Variants in TRIQK observed in about 807,000 individuals in gnomAD.
TRIQK encodes the protein triple QxxK/R motif containing, also known as triple QxxK/R motif-containing protein.
TRIQK carries 10 observed loss-of-function variants against 10.8 expected under a neutral mutation model. That is an observed-to-expected ratio of 0.92 (90% CI 0.57 to 1.57). TRIQK has a LOEUF of 1.57. TRIQK is among the 40% of genes most tolerant of loss of function. The pLI is 0.00. For missense variants in TRIQK, 107 were observed against 97.7 expected, an observed-to-expected ratio of 1.09 and a Z score of -0.40; for synonymous variants, 33 against 33.7, an observed-to-expected ratio of 0.98 and a Z score of 0.07.
intron 1 of TRIQK, among the ~76,000 whole-genome samples, chr8:93,015,927 TA>T (rs1005859878): frequency 1.4e-5 from 2 of 143,120 alleles, no homozygotes; most frequent in African/African-American, 5.7e-5. Flanking sequence ...CATCAGAAAA[TA>T]AAAACACCTT....
chr8:92,946,534 C>T (rs965772781), intron 2 of TRIQK, among the ~76,000 whole-genome samples: 4 of 151,986 alleles, frequency 2.6e-5, no homozygotes. Context: ...TACTCTGAAC[C>T]CCTGTCTTTA....
intron 3 of TRIQK, among the ~76,000 whole-genome samples, chr8:92,896,418 C>T (rs1808601514): frequency 6.6e-6 from 1 of 152,182 alleles, no homozygotes; most frequent in Non-Finnish European, 1.5e-5. Flanking sequence ...GATGAAGCCA[C>T]TGCAGAGAGC....
intron 2 of TRIQK, chr8:92,953,923 A>C (rs1812040684): frequency 1.3e-5 from 2 of 151,952 alleles, no homozygotes; most frequent in African/African-American, 2.4e-5. Flanking sequence ...CACAATACAT[A>C]AGAAAAATGG....
intron 2 of TRIQK, among the ~76,000 whole-genome samples, chr8:92,934,469 T>C (rs1319658307): frequency 6.6e-6 from 1 of 151,898 alleles, no homozygotes; most frequent in African/African-American, 2.4e-5. Flanking sequence ...AGCTTAAGTA[T>C]ATAAGAGGAA....
At chr8:92,990,629 T>C (rs751333611) in intron 1 of TRIQK, among the ~76,000 whole-genome samples, 31 of 152,100 alleles carry the variant, frequency 2.0e-4, no homozygotes, top group Non-Finnish European at 3.8e-4. Context: ...GGGAAGTCGC[T>C]TCACCTGGGA....
chr8:92,947,104 T>C (rs1249190439), intron 2 of TRIQK, among the ~76,000 whole-genome samples: 1 of 152,060 alleles, frequency 6.6e-6, no homozygotes, highest in Non-Finnish European at 1.5e-5. Context: ...CTACTTTTTC[T>C]AAAAGGTTTT....
At chr8:92,985,764 A>G (rs1813025090) in intron 1 of TRIQK, among the ~76,000 whole-genome samples, 1 of 152,098 alleles carries the variant, frequency 6.6e-6, no homozygotes, top group Non-Finnish European at 1.5e-5. Flanking sequence ...TGTATTACAC[A>G]TTTTGTGCCC....
intron 1 of TRIQK, among the ~76,000 whole-genome samples, chr8:93,000,125 C>A (rs1014439436): frequency 4.6e-5 from 7 of 152,038 alleles, no homozygotes; most frequent in Non-Finnish European, 8.8e-5. Flanking sequence ...AAATATGAAA[C>A]AGGTAGTTAA....
chr8:92,988,183 T>C (rs973444974), intron 1 of TRIQK, among the ~76,000 whole-genome samples: 1 of 151,390 alleles, frequency 6.6e-6, no homozygotes, highest in Non-Finnish European at 1.5e-5. Context: ...GCTAAATTTT[T>C]TTTTTTGTAT....
chr8:92,904,679 G>T (rs2130369475), intron 3 of TRIQK, among the ~76,000 whole-genome samples: 1 of 152,192 alleles, frequency 6.6e-6, no homozygotes, highest in African/African-American at 2.4e-5. Flanking sequence ...TGCAGGAGTA[G>T]ATAAACTCCA....
At chr8:92,923,895 C>T (rs968876785) in intron 2 of TRIQK, among the ~76,000 whole-genome samples, 5 of 151,658 alleles carry the variant, frequency 3.3e-5, no homozygotes, top group African/African-American at 1.2e-4. Context: ...TTATGAAATC[C>T]AGAAAGAACA....
chr8:92,940,760 C>T (rs1811228445), intron 2 of TRIQK, among the ~76,000 whole-genome samples: 1 of 152,110 alleles, frequency 6.6e-6, no homozygotes, highest in East Asian at 1.9e-4. Context: ...ATTTAGGCTG[C>T]ACTCTAGGCC....
chr8:92,947,587 GAAAAA>G (rs35808197), intron 2 of TRIQK, among the ~76,000 whole-genome samples: 1 of 61,440 alleles, frequency 1.6e-5, no homozygotes, highest in African/African-American at 6.4e-5. Flanking sequence ...TCCGCCTCAG[GAAAAA>G]AAAAAAAAAA....
At chr8:92,961,908 G>C (rs192468483) in intron 1 of TRIQK, among the ~76,000 whole-genome samples, 1 of 152,248 alleles carries the variant, frequency 6.6e-6, no homozygotes, top group Admixed American at 6.5e-5. Flanking sequence ...ACTGACAAGA[G>C]TCTTTCATTA....
At chr8:92,906,844 G>A in intron 3 of TRIQK, among the ~76,000 whole-genome samples, 2 of 151,502 alleles carry the variant, frequency 1.3e-5, no homozygotes, top group East Asian at 3.9e-4. Context: ...AGTGAGCTGA[G>A]ATAGCGCCAC....
intron 2 of TRIQK, chr8:92,929,748 T>C (rs981697702): frequency 6.6e-6 from 1 of 152,296 alleles, no homozygotes. Context: ...GGAGATAACT[T>C]CTATTAAATA....
chr8:92,921,416 C>G (rs531537135), intron 2 of TRIQK: 3 of 151,824 alleles, frequency 2.0e-5, no homozygotes, highest in African/African-American at 7.2e-5. Flanking sequence ...AATTTCCCAG[C>G]CTCCTTTGAT....
At chr8:92,972,727 C>G (rs1470635226) in intron 1 of TRIQK, 1 of 152,252 alleles carries the variant, frequency 6.6e-6, no homozygotes, top group East Asian at 1.9e-4. Context: ...AGTGCTGAGC[C>G]CTTAACAAAA....
At chr8:92,979,074 T>TCTCAG (rs755947103) in intron 1 of TRIQK, among the ~76,000 whole-genome samples, 6 of 152,216 alleles carry the variant, frequency 3.9e-5, no homozygotes, top group African/African-American at 1.4e-4. Context: ...TTCCATAATA[T>TCTCAG]CTGGGGTCTC....
Sources: gnomAD v4.1 joint callset for allele counts (sites outside exome capture counted in the v4.1 genomes callset) on GRCh38, gnomAD v4.1.1 for gene constraint, MANE v1.5 for transcripts, NCBI Gene and HGNC (gene_info 2026-07-23, HGNC 2026-07-21) for gene names.